The following IQUB variants were observed in gnomAD, a reference collection of about 807,000 sequenced individuals.
The protein encoded by IQUB is IQ motif and ubiquitin-like domain-containing protein.
Under a neutral mutation model 86.4 loss-of-function variants are expected in IQUB, and 86 were observed. The ratio of observed to expected loss-of-function variants is 1.00; its 90% CI spans 0.84 to 1.19. IQUB has a LOEUF of 1.19. Ranked by LOEUF, IQUB falls within the 50% of genes most tolerant of loss-of-function variation. IQUB has a pLI of 0.00. For missense variants in IQUB, 946 were observed against 916.9 expected (o/e 1.03, Z -0.41); for synonymous variants, 289 against 304.5 (o/e 0.95, Z 0.53).
At chr7:123,453,062 T>C (rs990626892) in intron 12 of IQUB, 137 bp from the exon 13 acceptor site, 6 of 652,054 alleles carry the variant, frequency 9.2e-6, no homozygotes, top group South Asian at 2.2e-5. Flanking sequence ...TTGTCTATCA[T>C]CATTCACGAC....
At position 123,457,570 on chromosome 7, in the gene IQUB, C is replaced by T; in HGVS notation, c.2008-4G>A. ...TCAGGTACTGAATGTCTTGTAGCTG[C>T]ATGTCAAAGCAAGTTTTAAAAACAA... On this transcript the variant is annotated splice_polypyrimidine_tract_variant and splice_region_variant and intron_variant, in intron 11 of 12. Coordinates refer to ENST00000324698, the MANE Select transcript of IQUB (RefSeq NM_178827.5). The T allele has an allele frequency of 1.3e-6, 2 of 1,591,358 alleles. No homozygotes were observed.
At position 123,503,363 on chromosome 7, in the gene IQUB, C is replaced by A; in HGVS notation, c.533G>T (p.Gly178Val). 2 of 1,459,354 alleles carry A rather than the reference C, an allele frequency of 1.4e-6. No individual in the cohort carries two copies. The highest frequency in any genetic ancestry group is 1.3e-5 in the South Asian group (1 of 74,528). 90.4% of individuals were successfully genotyped at this position (1,459,354 alleles called of 1,614,324 possible). Residue 178 changes from glycine to valine, a missense_variant and splice_region_variant, in exon 4 of 13, where the codon GGA becomes GTA. Transcript: ENST00000324698. ...AGTCTCATTATTTTTAAGAATTTTT[C>A]CTAAAAATTGAAATAAAATTTTTAA... ...PHSVLQIRYSGKILKNNETLV... is the reference protein window; with the variant it reads ...PHSVLQIRYSVKILKNNETLV...
At chr7:123,514,163 T>G (rs78265157) in intron 1 of IQUB, among the ~76,000 whole-genome samples, 2,633 of 152,306 alleles carry the variant, frequency 0.017, 80 homozygotes, top group African/African-American at 0.06. Flanking sequence ...TCTGCTGTTT[T>G]GAATCATATT....
At chr7:123,529,577 A>G (rs1165940631) in intron 1 of IQUB, among the ~76,000 whole-genome samples, 1 of 151,410 alleles carries the variant, frequency 6.6e-6, no homozygotes, top group Non-Finnish European at 1.5e-5. Context: ...ATATATAAAC[A>G]ATAATCTATA....
At chr7:123,515,212 G>T (rs918572189) in intron 1 of IQUB, among the ~76,000 whole-genome samples, 14 of 152,174 alleles carry the variant, frequency 9.2e-5, no homozygotes, top group South Asian at 6.2e-4. Context: ...TCATAACAAA[G>T]CCCTACCTCC....
At position 123,510,036 on chromosome 7, in the gene IQUB, CT is replaced by C; in HGVS notation, c.398-2del. The C allele has an allele frequency of 6.5e-7, 1 of 1,533,588 alleles. No homozygotes were observed. Among genetic ancestry groups the C allele is most frequent in the Non-Finnish European group, 8.9e-7 (1 of 1,124,296 alleles). 95.0% of individuals were successfully genotyped at this position (1,533,588 alleles called of 1,614,324 possible). Reference sequence around the variant, plus strand: ...CCCACTGGAATAAGTACAACTTTTACTGTAAATTAAATAGAAAAGAAAGAAT... The same window carrying C: ...CCCACTGGAATAAGTACAACTTTTACGTAAATTAAATAGAAAAGAAAGAAT... On this transcript the variant is annotated splice_acceptor_variant, in intron 2 of 12. Transcript: ENST00000324698. LOFTEE classifies it high-confidence loss of function.
intron 8 of IQUB, among the ~76,000 whole-genome samples, chr7:123,472,056 G>A (rs568212200): frequency 1.3e-5 from 2 of 151,996 alleles, no homozygotes; most frequent in African/African-American, 4.8e-5. Flanking sequence ...TGGCCAACAC[G>A]GTGATAACTC....
intron 6 of IQUB, chr7:123,501,259 A>G (rs1346106182): frequency 1.3e-5 from 2 of 152,288 alleles, no homozygotes; most frequent in Non-Finnish European, 2.9e-5. Context: ...AGCTTAATGG[A>G]GTAGAAAGAT....
chr7:123,463,702 A>T (rs1563430038), intron 10 of IQUB, among the ~76,000 whole-genome samples: 2 of 151,776 alleles, frequency 1.3e-5, no homozygotes, highest in Non-Finnish European at 3.0e-5. Context: ...TCTTATTTTG[A>T]CTGTGCTACT....
chr7:123,457,471 C>G lies in IQUB; in HGVS notation c.2103G>C (p.Trp701Cys). 1 of 1,611,450 alleles carries G rather than the reference C, an allele frequency of 6.2e-7. No individual in the cohort carries two copies. The highest frequency in any genetic ancestry group is 8.5e-7 in the Non-Finnish European group (1 of 1,178,776). Residue 701 changes from tryptophan (W) to cysteine (C), a missense_variant, in exon 12 of 13, where the codon TGG (tryptophan) becomes TGC (cysteine). Trp to Cys is a radical substitution (Grantham distance 215). Transcript: ENST00000324698. ...AGGGGGACCACTCCAGGGATTTATTCCATCTGACCATGACCAGATCACTGA... is the reference window on the plus strand; with the variant it reads ...AGGGGGACCACTCCAGGGATTTATTGCATCTGACCATGACCAGATCACTGA... ...DNLSDLVMVRWNKSLEWSPWN... is the reference protein window; with the variant it reads ...DNLSDLVMVRCNKSLEWSPWN...
At chr7:123,453,167 A>ATTCT (rs1351985344) in intron 12 of IQUB, among the ~76,000 whole-genome samples, 1 of 150,888 alleles carries the variant, frequency 6.6e-6, no homozygotes, top group East Asian at 2.0e-4. Flanking sequence ...CTCAATATTC[A>ATTCT]TTCTTTCTCC....
At chr7:123,529,114 A>T (rs139869978) in intron 1 of IQUB, among the ~76,000 whole-genome samples, 8 of 152,298 alleles carry the variant, frequency 5.3e-5, no homozygotes, top group Middle Eastern at 3.4e-3. Context: ...TACTAGAAAA[A>T]AAACTAACAG....
rs899581017 is a variant in IQUB at position 123,452,305 on chromosome 7, T to C, written c.*438A>G. On this transcript the variant is annotated 3_prime_UTR_variant, in exon 13 of 13. Transcript: ENST00000324698. Reference sequence around the variant, plus strand: ...AAAATATAAATTTTTTTATCCTACTTAAAGAAGTTTTCAAGAAAGAGCACT... The same window carrying C: ...AAAATATAAATTTTTTTATCCTACTCAAAGAAGTTTTCAAGAAAGAGCACT... 1.3e-5 allele frequency: 2 copies of C among 152,354 alleles called. No individual in the cohort carries two copies. The highest frequency in any genetic ancestry group is 4.8e-5 in the African/African-American group (2 of 41,440). The allele number at this position is 152,354 out of a possible 1,614,324, so 9.4% of individuals were successfully genotyped here. A position where few individuals can be genotyped will look rare whatever the true frequency, so the allele number is the denominator to read the frequency against.
At position 123,478,220 on chromosome 7, in the gene IQUB, C is replaced by T. The variant is rs573574795; in HGVS notation, c.1410+1575G>A. Reference sequence around the variant, plus strand: ...GTCCATCAATTAAGAAAATGTGGCACATATACAACATGGAATACTATGCAG... The same window carrying T: ...GTCCATCAATTAAGAAAATGTGGCATATATACAACATGGAATACTATGCAG... On this transcript the variant is annotated intron_variant, in intron 8 of 12. Transcript: ENST00000324698. Among the ~76,000 whole-genome samples, 6 of 152,118 alleles carry T rather than the reference C, an allele frequency of 3.9e-5. No individual in the cohort carries two copies. In the South Asian group the frequency reaches 6.2e-4, roughly 16 times the overall value.
intron 11 of IQUB, among the ~76,000 whole-genome samples, chr7:123,457,784 G>A (rs1392069471): frequency 1.3e-5 from 2 of 151,774 alleles, no homozygotes; most frequent in Admixed American, 1.3e-4. Context: ...CTAAACCAGA[G>A]TAAGCAGTAT....
chr7:123,505,933 T>C (rs1404476171), intron 3 of IQUB, among the ~76,000 whole-genome samples: 1 of 152,194 alleles, frequency 6.6e-6, no homozygotes, highest in Non-Finnish European at 1.5e-5. Context: ...TTTCAGATCA[T>C]CTCCTTGCTC....
intron 7 of IQUB, among the ~76,000 whole-genome samples, chr7:123,493,722 T>C (rs895063714): frequency 1.3e-4 from 17 of 128,578 alleles, no homozygotes; most frequent in Admixed American, 1.0e-3. Flanking sequence ...CTGAGAGAAA[T>C]GTGTGTGTAT....
Position 123,511,966 on chromosome 7 carries a change from T to C in IQUB, c.375A>G (p.Ser125=). 6.2e-7 allele frequency: 1 copy of C among 1,606,732 alleles called. No individual in the cohort carries two copies. The highest frequency in any genetic ancestry group is 8.5e-7 in the Non-Finnish European group (1 of 1,174,516). ...IKSVKESLQE[S]VEDSLATVKV... Reference sequence around the variant, plus strand: ...TACCTGTTGCTAGAGAATCTTCCACTGATTCTTGCAAAGATTCCTTTACAG... The same window carrying C: ...TACCTGTTGCTAGAGAATCTTCCACCGATTCTTGCAAAGATTCCTTTACAG... Residue 125 remains serine, a synonymous_variant, in exon 2 of 13, where the codon TCA becomes TCG. Transcript: ENST00000324698.
intron 10 of IQUB, chr7:123,462,740 A>G (rs962840762): frequency 2.3e-6 from 1 of 426,588 alleles, no homozygotes; most frequent in Admixed American, 2.5e-5. Context: ...ATTAGCAAAT[A>G]TATCAGTCAA....
Sources: allele counts gnomAD v4.1 joint callset (sites outside exome capture counted in the v4.1 genomes callset), GRCh38; gene constraint gnomAD v4.1.1; transcripts MANE v1.5; gene names NCBI Gene and HGNC (gene_info 2026-07-23, HGNC 2026-07-21).